The following GAK variants were observed in gnomAD, a reference collection of about 807,000 sequenced individuals.
GAK encodes the protein cyclin G associated kinase.
Under a neutral mutation model 143.9 loss-of-function variants are expected in GAK, and 79 were observed. The observed-to-expected ratio is 0.55, with a 90% CI of 0.46 to 0.66. The LOEUF is 0.66. GAK is among the 30% of genes least tolerant of loss of function. The probability of loss-of-function intolerance (pLI) is 0.00; values close to 1 mark genes in which losing one functional copy is unlikely to be tolerated. For synonymous variants in GAK, 881 were observed against 765.5 expected (o/e 1.15, Z -2.49); for missense variants, 1,693 against 1,779.7 (o/e 0.95, Z 0.88).
chr4:900,809 A>C (rs572961130), intron 5 of GAK, among the ~76,000 whole-genome samples: 1 of 152,344 alleles, frequency 6.6e-6, no homozygotes, highest in African/African-American at 2.4e-5. Context: ...CAAGGAAAGA[A>C]GAAACAGAAG....
At chr4:894,082 C>G (rs1327253059) in intron 7 of GAK, 73 bp from the exon 8 acceptor site, 5 of 1,432,146 alleles carry the variant, frequency 3.5e-6, no homozygotes, top group Non-Finnish European at 4.6e-6. Flanking sequence ...GCGGGGAGAG[C>G]AGGGGTGATG....
chr4:888,814 G>C (rs754029120), intron 11 of GAK, 33 bp downstream of exon 11: 3 of 1,583,060 alleles, frequency 1.9e-6, no homozygotes, highest in Non-Finnish European at 2.6e-6. Flanking sequence ...ACGAGCGTGC[G>C]GCAGGTCCAG....
chr4:870,785 G>A lies in GAK; in HGVS notation c.2174C>T (p.Ser725Leu), dbSNP rs146391123. The A allele has an allele frequency of 7.6e-5, 122 of 1,614,126 alleles. No homozygotes were observed. In the African/African-American group the frequency reaches 9.1e-4, roughly 12 times the overall value. Residue 725 changes from serine (S) to leucine (L), a missense_variant, in exon 19 of 28, where the codon TCG becomes TTG. Transcript: ENST00000314167. The part of the protein sequence containing the change: ...PSREAPPWEN[S>L]SMRGLNPKIL... ...TTTGGGGTTCAGCCCCCTCATGCTC[G>A]AGTTCTCCCATGGTGGGGCTTCCCG...
At chr4:931,445 C>A (rs1725766326) in intron 1 of GAK, among the ~76,000 whole-genome samples, 1 of 149,340 alleles carries the variant, frequency 6.7e-6, no homozygotes, top group Admixed American at 6.7e-5. Context: ...GCTACAACCG[C>A]AACTACCTGC....
chr4:895,736 G>C (rs1042605233), intron 7 of GAK, among the ~76,000 whole-genome samples: 1 of 152,208 alleles, frequency 6.6e-6, no homozygotes, highest in Non-Finnish European at 1.5e-5. Context: ...CATGGCCTTG[G>C]AGAGATGCAG....
chr4:860,226 C>T (rs183936836), intron 23 of GAK, among the ~76,000 whole-genome samples: 226 of 142,462 alleles, frequency 1.6e-3, no homozygotes, highest in African/African-American at 5.1e-3. Context: ...CAGGGGTTGA[C>T]GGCCCCAGCT....
intron 27 of GAK, 30 bp downstream of exon 27, chr4:849,862 C>T (rs1313827914): frequency 6.7e-7 from 1 of 1,491,440 alleles, no homozygotes; most frequent in Non-Finnish European, 9.2e-7. Context: ...CCCTGAAGGC[C>T]TCAAGCGGCC....
chr4:870,675 G>C (rs371050759), intron 19 of GAK, 36 bp downstream of exon 19: 3 of 1,604,110 alleles, frequency 1.9e-6, no homozygotes, highest in South Asian at 1.1e-5. Flanking sequence ...ACACTCACCA[G>C]AACAGGGTTC....
At chr4:926,108 G>C (rs958334644) in intron 1 of GAK, among the ~76,000 whole-genome samples, 4 of 151,686 alleles carry the variant, frequency 2.6e-5, no homozygotes, top group Non-Finnish European at 5.9e-5. Context: ...CACCCCAGGG[G>C]GTCCTCCCTG....
chr4:877,409 T>C (rs753182972), intron 16 of GAK, among the ~76,000 whole-genome samples: 20 of 151,954 alleles, frequency 1.3e-4, no homozygotes, highest in Non-Finnish European at 2.5e-4. Flanking sequence ...CTGACCAGGA[T>C]CCCATTCTCA....
rs188714128 is a variant in GAK, at chr4:883,508, C to T, written c.1256-45G>A. 562 of 1,603,498 alleles carry T rather than the reference C, an allele frequency of 3.5e-4. 6 individuals are homozygous for T. The Admixed American group carries it at 6.4e-3, about 18-fold the overall frequency. Reference sequence around the variant, plus strand: ...GTCAGCACCTGGGAGATGCGCACCTCGTGGCCAGGCTGCTGCTGCGGCCTC... The same window carrying T: ...GTCAGCACCTGGGAGATGCGCACCTTGTGGCCAGGCTGCTGCTGCGGCCTC... On this transcript the variant is annotated intron_variant, in intron 12 of 27. Coordinates refer to ENST00000314167, the MANE Select transcript of GAK (RefSeq NM_005255.4).
intron 3 of GAK, 64 bp downstream of exon 3, chr4:912,671 G>C (rs1722252331): frequency 7.4e-7 from 1 of 1,351,202 alleles, no homozygotes; most frequent in Admixed American, 1.8e-5. Flanking sequence ...GGCGGTCACA[G>C]CTTGACGCAG....
chr4:907,777 C>A (rs1399211628), intron 4 of GAK, among the ~76,000 whole-genome samples: 2 of 152,218 alleles, frequency 1.3e-5, no homozygotes, highest in Non-Finnish European at 2.9e-5. Context: ...GATGCCACGG[C>A]TCTCCCCTGG....
chr4:868,060 G>A (rs536838200), intron 20 of GAK, among the ~76,000 whole-genome samples: 4 of 152,366 alleles, frequency 2.6e-5, no homozygotes, highest in South Asian at 2.1e-4. Context: ...GACAGGAAGT[G>A]GCAGGTGCAT....
At chr4:890,072 T>A (rs1027141684) in intron 10 of GAK, among the ~76,000 whole-genome samples, 3 of 152,172 alleles carry the variant, frequency 2.0e-5, no homozygotes, top group African/African-American at 7.2e-5. Context: ...TGGCCCTTCA[T>A]TCCCAGCTCC....
chr4:924,176 C>CA (rs71640369), intron 1 of GAK, among the ~76,000 whole-genome samples: 46,225 of 99,784 alleles, frequency 0.46, 10,952 homozygotes, highest in Middle Eastern at 0.6. Context: ...GACTCCCTCT[C>CA]AAAAAAAAAA....
intron 9 of GAK, 151 bp downstream of exon 9, chr4:893,226 T>C (rs1469590096): frequency 3.9e-6 from 2 of 511,488 alleles, no homozygotes; most frequent in Non-Finnish European, 6.9e-6. Context: ...CCCTCTGTGA[T>C]AGGAGACTTA....
At chr4:879,046 C>T (rs957912094) in intron 15 of GAK, among the ~76,000 whole-genome samples, 13 of 152,210 alleles carry the variant, frequency 8.5e-5, no homozygotes, top group Non-Finnish European at 1.5e-4. Context: ...AAAGAGAAAT[C>T]GGCTTTCTCA....
In GAK at chr4:909,958, C is replaced by T. The variant is rs555658781; in HGVS notation, c.382+1715G>A. On this transcript the variant is annotated intron_variant, in intron 4 of 27. Coordinates refer to ENST00000314167, the MANE Select transcript of GAK (RefSeq NM_005255.4). ...ACCCCCAACCCCCGAGACTTCTCGG[C>T]CACGTCAAGCACCCATCCGCCACCC... Among the ~76,000 whole-genome samples, 312 of 151,902 alleles carry T rather than the reference C, an allele frequency of 2.1e-3. 1 individual carries two copies. The highest frequency in any genetic ancestry group is 3.3e-3 in the Non-Finnish European group (227 of 67,826).
Sources: allele counts gnomAD v4.1 joint callset (sites outside exome capture counted in the v4.1 genomes callset), GRCh38; gene constraint gnomAD v4.1.1; transcripts MANE v1.5; gene names NCBI Gene and HGNC (gene_info 2026-07-23, HGNC 2026-07-21).